L3MBTL3: variants seen among roughly 807,000 people sequenced by gnomAD.
The protein encoded by L3MBTL3 is L3MBTL histone methyl-lysine binding protein 3.
A neutral mutation model predicts 102.3 loss-of-function variants in L3MBTL3; 27 were observed. The observed-to-expected ratio is 0.26, with a 90% CI of 0.19 to 0.36. The LOEUF (loss-of-function observed/expected upper bound fraction) is 0.36, where lower values mean the gene tolerates loss of function less well. L3MBTL3 is among the 10% of genes least tolerant of loss of function. The pLI is 1.00. For missense variants in L3MBTL3, 798 were observed against 955.3 expected (o/e 0.84, Z 2.17); for synonymous variants, 340 against 320.9 (o/e 1.06, Z -0.64).
At chr6:130,108,069 A>G (rs980561303) in intron 19 of L3MBTL3, among the ~76,000 whole-genome samples, 2 of 152,106 alleles carry the variant, frequency 1.3e-5, no homozygotes, top group African/African-American at 2.4e-5. Context: ...CGGCTTCCCT[A>G]CTTGCTAGGT....
At position 130,086,217 on chromosome 6, in the gene L3MBTL3, A is replaced by G. The variant is rs748574186; in HGVS notation, c.1485A>G (p.Ala495=). 2.5e-6 allele frequency: 4 copies of G among 1,612,722 alleles called. No individual in the cohort carries two copies. The South Asian group carries it at 4.4e-5, about 18-fold the overall frequency. Residue 495 remains alanine (A), a synonymous_variant, in exon 16 of 23, where the codon GCA becomes GCG. Transcript: ENST00000361794. The stretch of plus-strand genomic sequence containing the variant: ...GGAACCCTATGTTTATTAGAGTAGC[A>G]ACTGTGGCAGACACAGATGATCACC... The part of the protein sequence containing the change: ...DKRNPMFIRV[A]TVADTDDHRV...
chr6:130,068,244 C>A, intron 11 of L3MBTL3, 86 bp from the exon 12 acceptor site: 1 of 654,168 alleles, frequency 1.5e-6, no homozygotes, highest in Non-Finnish European at 2.7e-6. Context: ...TTGATTTTGG[C>A]ATGTTAGAGA....
At chr6:130,114,258 T>A (rs1199158988) in intron 19 of L3MBTL3, among the ~76,000 whole-genome samples, 2 of 152,192 alleles carry the variant, frequency 1.3e-5, no homozygotes, top group African/African-American at 4.8e-5. Flanking sequence ...CCATTCAAAG[T>A]GCAGGGATAA....
rs1047152210 is a variant in L3MBTL3 at position 130,140,259 on chromosome 6, A to G, written c.*506A>G. On this transcript the variant is annotated 3_prime_UTR_variant, in exon 23 of 23. Coordinates refer to ENST00000361794, the MANE Select transcript of L3MBTL3 (RefSeq NM_032438.4). Reference sequence around the variant, plus strand: ...AATTTTGTGCCATATTTTGAATTGCAACATTATGCTAAGTATAACTTTGCA... The same window carrying G: ...AATTTTGTGCCATATTTTGAATTGCGACATTATGCTAAGTATAACTTTGCA... The G allele has an allele frequency of 6.5e-6, 1 of 153,644 alleles. No individual in the cohort carries two copies. The highest frequency in any genetic ancestry group is 2.4e-5 in the African/African-American group (1 of 41,454). 9.5% of individuals were successfully genotyped at this position (153,644 alleles called of 1,614,324 possible). A position where few individuals can be genotyped will look rare whatever the true frequency, so the allele number is the denominator to read the frequency against.
In L3MBTL3 at chr6:130,060,026, T is replaced by TG. The variant is rs1562275335; in HGVS notation, c.760-9dup. 6.4e-7 allele frequency: 1 copy of TG among 1,552,924 alleles called. No homozygotes were observed. The highest frequency in any genetic ancestry group is 8.9e-7 in the Non-Finnish European group (1 of 1,124,786). On this transcript the variant is annotated splice_polypyrimidine_tract_variant and intron_variant, in intron 9 of 22. Transcript: ENST00000361794. ...TAAGGGACTAAAACTGCTCTCATTT[T>TG]GCATTTTAGCATCAATCCTTTCCAT... is the stretch of plus-strand genomic sequence containing the variant.
intron 20 of L3MBTL3, among the ~76,000 whole-genome samples, chr6:130,125,021 A>G (rs1465440356): frequency 2.0e-5 from 3 of 152,146 alleles, no homozygotes; most frequent in Non-Finnish European, 4.4e-5. Context: ...GGTAACCAAC[A>G]TGGCACAGGA....
At chr6:130,091,935 A>G (rs1268845127) in intron 16 of L3MBTL3, among the ~76,000 whole-genome samples, 1 of 152,034 alleles carries the variant, frequency 6.6e-6, no homozygotes, top group Non-Finnish European at 1.5e-5. Context: ...AGTAAGATCT[A>G]GTATCTGGTA....
In L3MBTL3 at chr6:130,133,418, A is replaced by C; in HGVS notation, c.1967-34A>C. 3 of 1,607,464 alleles carry C rather than the reference A, an allele frequency of 1.9e-6. No individual in the cohort carries two copies. The highest frequency in any genetic ancestry group is 2.6e-6 in the Non-Finnish European group (3 of 1,175,784). On this transcript the variant is annotated intron_variant, in intron 20 of 22. Transcript: ENST00000361794. This position sits in a 1 kb window ranked among gnomAD's most constrained non-coding sequence, Gnocchi z 4.9. ...CATTTGGGGCTTTCTTGCTGCTTTCAGAGAGTGATTTCCCATTTGTTTTCA... is the reference window on the plus strand; with the variant it reads ...CATTTGGGGCTTTCTTGCTGCTTTCCGAGAGTGATTTCCCATTTGTTTTCA...
chr6:130,076,863 G>A (rs1480969448), intron 13 of L3MBTL3, among the ~76,000 whole-genome samples: 1 of 152,070 alleles, frequency 6.6e-6, no homozygotes, highest in African/African-American at 2.4e-5. Flanking sequence ...CTCTATTGAG[G>A]CAGCTTCTTT....
intron 2 of L3MBTL3, among the ~76,000 whole-genome samples, chr6:130,036,810 T>C (rs1184304412): frequency 6.6e-6 from 1 of 152,210 alleles, no homozygotes; most frequent in Non-Finnish European, 1.5e-5. Flanking sequence ...AATAAACTAG[T>C]TTTGTCATGT....
In L3MBTL3 at chr6:130,105,984, G is replaced by A. The variant is rs373798725; in HGVS notation, c.1886+1409G>A. 1.7e-4 allele frequency among the ~76,000 whole-genome samples: 26 copies of A among 152,020 alleles called. No individual in the cohort carries two copies. The East Asian group carries it at 2.1e-3, about 12-fold the overall frequency. On this transcript the variant is annotated intron_variant, in intron 19 of 22. Transcript: ENST00000361794. The stretch of plus-strand genomic sequence containing the variant: ...TCTTTATAATGAGTCTAACCGTTTC[G>A]GTGTTCTGTCTTCTGTTCACGTGTG...
At chr6:130,058,529 G>A (rs950610707) in intron 9 of L3MBTL3, among the ~76,000 whole-genome samples, 13 of 151,848 alleles carry the variant, frequency 8.6e-5, no homozygotes, top group African/African-American at 2.9e-4. Context: ...GTTGCAGTGA[G>A]CTGCAATCCT....
At chr6:130,028,304 G>T (rs763377996) in intron 2 of L3MBTL3, among the ~76,000 whole-genome samples, 8 of 152,066 alleles carry the variant, frequency 5.3e-5, no homozygotes, top group Non-Finnish European at 1.2e-4. Flanking sequence ...ATTATAAATA[G>T]GATCATTCAC....
intron 19 of L3MBTL3, among the ~76,000 whole-genome samples, chr6:130,117,786 T>G (rs2115466614): frequency 6.6e-6 from 1 of 151,622 alleles, no homozygotes; most frequent in East Asian, 1.9e-4. Flanking sequence ...CGCAGCTTTG[T>G]CCTCCAAGGC....
chr6:130,068,778 C>T (rs1257353975), intron 12 of L3MBTL3, among the ~76,000 whole-genome samples: 1 of 152,036 alleles, frequency 6.6e-6, no homozygotes, highest in East Asian at 1.9e-4. Context: ...TGAAGGTAGC[C>T]CTGTTTCAGT....
chr6:130,054,963 G>T (rs148184952), intron 7 of L3MBTL3: 8 of 499,046 alleles, frequency 1.6e-5, no homozygotes, highest in Admixed American at 3.3e-5. Context: ...CCTTCCAACC[G>T]GTAACACGTG....
chr6:130,133,653 A>G lies in L3MBTL3; in HGVS notation c.2136+32A>G. 6.2e-7 allele frequency: 1 copy of G among 1,609,074 alleles called. No homozygotes were observed. The highest frequency in any genetic ancestry group is 1.3e-5 in the African/African-American group (1 of 75,020). On this transcript the variant is annotated intron_variant, in intron 21 of 22. Transcript: ENST00000361794. This position sits in a 1 kb window ranked among gnomAD's most constrained non-coding sequence, Gnocchi z 4.9. ...TTTATTTTCTTTGCTGCCCGACACCAGATACAGGATTACTGGCTTAAGAGG... is the reference window on the plus strand; with the variant it reads ...TTTATTTTCTTTGCTGCCCGACACCGGATACAGGATTACTGGCTTAAGAGG...
chr6:130,134,532 T>G (rs1787407576), intron 22 of L3MBTL3, among the ~76,000 whole-genome samples: 1 of 152,226 alleles, frequency 6.6e-6, no homozygotes, highest in African/African-American at 2.4e-5. Context: ...AAAAGGAATC[T>G]GGTTTCTAAC....
chr6:130,139,777 C>CTTAA lies in L3MBTL3; in HGVS notation c.*24_*25insTTAA, dbSNP rs1487763436. ...GAAGATGGTGAATTCTGAATACCAT[C>CTTAA]AGCATTCTGCTTTAAAGCTCATGTT... On this transcript the variant is annotated 3_prime_UTR_variant, in exon 23 of 23. Coordinates refer to ENST00000361794, the MANE Select transcript of L3MBTL3 (RefSeq NM_032438.4). 1 of 1,607,444 alleles carries CTTAA rather than the reference C, an allele frequency of 6.2e-7. No individual in the cohort carries two copies. Among genetic ancestry groups the CTTAA allele is most frequent in the Non-Finnish European group, 8.5e-7 (1 of 1,176,230 alleles).
Sources: allele counts gnomAD v4.1 joint callset (sites outside exome capture counted in the v4.1 genomes callset), GRCh38; gene constraint gnomAD v4.1.1; non-coding constraint Gnocchi (gnomAD v3.1); transcripts MANE v1.5; gene names NCBI Gene and HGNC (gene_info 2026-07-23, HGNC 2026-07-21).